C2orf76: variants seen among roughly 807,000 people sequenced by gnomAD.
The protein encoded by C2orf76 is chromosome 2 open reading frame 76, also known as UPF0538 protein C2orf76.
A neutral mutation model predicts 16.9 loss-of-function variants in C2orf76; 23 were observed. The observed-to-expected ratio is 1.36, with a 90% confidence interval of 0.98 to 1.93. The LOEUF (loss-of-function observed/expected upper bound fraction) is 1.93. C2orf76 is among the 30% of genes most tolerant of loss of function. The pLI is 0.00. For synonymous variants in C2orf76, 48 were observed against 52.3 expected (o/e 0.92, Z 0.35); for missense variants, 152 against 152.6 (o/e 1.00, Z 0.02).
the C2orf76 span, among the ~76,000 whole-genome samples, chr2:119,290,839 A>G: frequency 6.6e-6 from 1 of 152,234 alleles, no homozygotes; most frequent in South Asian, 2.1e-4. Context: ...CAAAAAAATA[A>G]TAAAAATAAA....
downstream of C2orf76, among the ~76,000 whole-genome samples, chr2:119,298,102 C>T (rs1678567156): frequency 6.6e-6 from 1 of 152,216 alleles, no homozygotes; most frequent in African/African-American, 2.4e-5. Context: ...CATCACCACA[C>T]CTGGCTTGCT....
intron 1 of C2orf76, 49 bp downstream of exon 1, chr2:119,366,741 G>A (rs1681021618): frequency 1.9e-6 from 1 of 525,676 alleles, no homozygotes; most frequent in East Asian, 3.4e-5. Flanking sequence ...CCCAACTCTC[G>A]ACCAACTCCC....
intron 3 of C2orf76, among the ~76,000 whole-genome samples, chr2:119,319,919 T>A (rs1679292612): frequency 6.6e-6 from 1 of 152,188 alleles, no homozygotes; most frequent in African/African-American, 2.4e-5. Context: ...AGCAGAAGAT[T>A]GTTAAACAGC....
At chr2:119,329,857 T>G (rs370000939) in intron 2 of C2orf76, among the ~76,000 whole-genome samples, 1 of 152,106 alleles carries the variant, frequency 6.6e-6, no homozygotes, top group Non-Finnish European at 1.5e-5. Flanking sequence ...TTTTTAATTA[T>G]TTTCAAAATA....
chr2:119,317,785 A>G (rs1679221385), intron 3 of C2orf76, among the ~76,000 whole-genome samples: 1 of 152,180 alleles, frequency 6.6e-6, no homozygotes, highest in Non-Finnish European at 1.5e-5. Flanking sequence ...TTAGAATGGA[A>G]GACAAGCAAA....
chr2:119,318,568 C>T (rs10199222), intron 3 of C2orf76, among the ~76,000 whole-genome samples: 6,614 of 147,470 alleles, frequency 0.045, 219 homozygotes, highest in East Asian at 0.13. Context: ...CTTGCTCTGT[C>T]GCCTTGGCTG....
intron 2 of C2orf76, among the ~76,000 whole-genome samples, chr2:119,338,486 T>C (rs980590935): frequency 6.6e-6 from 1 of 152,206 alleles, no homozygotes; most frequent in African/African-American, 2.4e-5. Flanking sequence ...TCTAAAATTT[T>C]ACTGTTCTTT....
intron 1 of C2orf76, among the ~76,000 whole-genome samples, chr2:119,350,565 T>C (rs1446698046): frequency 6.6e-6 from 1 of 152,220 alleles, no homozygotes; most frequent in Non-Finnish European, 1.5e-5. Context: ...CCCAGTTCGA[T>C]GGCCAGTAAC....
At chr2:119,292,843 T>C in the C2orf76 span, among the ~76,000 whole-genome samples, 1 of 152,126 alleles carries the variant, frequency 6.6e-6, no homozygotes, top group Admixed American at 6.6e-5. Context: ...GAGACCAGCC[T>C]GGCCAACATA....
chr2:119,366,555 C>T (rs1412612170), intron 1 of C2orf76: 2 of 465,834 alleles, frequency 4.3e-6, no homozygotes, highest in Non-Finnish European at 8.8e-6. Context: ...AAGGGAGGAG[C>T]GGGTCCCGCC....
intron 3 of C2orf76, among the ~76,000 whole-genome samples, chr2:119,320,789 C>G (rs1287269056): frequency 6.6e-6 from 1 of 152,162 alleles, no homozygotes; most frequent in African/African-American, 2.4e-5. Context: ...CCTTATTACT[C>G]CATTTTTAAA....
At chr2:119,334,093 C>A (rs1450462885) in intron 2 of C2orf76, among the ~76,000 whole-genome samples, 1 of 151,940 alleles carries the variant, frequency 6.6e-6, no homozygotes, top group Non-Finnish European at 1.5e-5. Context: ...GTGCCTGACC[C>A]CTTCAATGTA....
At chr2:119,292,057 G>C in the C2orf76 span, among the ~76,000 whole-genome samples, 12 of 152,184 alleles carry the variant, frequency 7.9e-5, no homozygotes, top group East Asian at 2.3e-3. Context: ...TCCCACTCAT[G>C]CTTGCCTAAA....
intron 1 of C2orf76, among the ~76,000 whole-genome samples, chr2:119,357,427 A>T (rs955320273): frequency 2.6e-5 from 4 of 152,176 alleles, no homozygotes; most frequent in Non-Finnish European, 5.9e-5. Flanking sequence ...AATGTAATCC[A>T]CCAAATTAAC....
intron 1 of C2orf76, among the ~76,000 whole-genome samples, chr2:119,341,942 A>C (rs1680044766): frequency 6.6e-6 from 1 of 152,224 alleles, no homozygotes; most frequent in Non-Finnish European, 1.5e-5. Flanking sequence ...GGAGACAATA[A>C]GGCGATCTTT....
chr2:119,310,717 T>G (rs978069434), intron 5 of C2orf76, among the ~76,000 whole-genome samples: 1 of 151,942 alleles, frequency 6.6e-6, no homozygotes, highest in African/African-American at 2.4e-5. Context: ...ACTAAAAAAA[T>G]ACAAAAATTA....
At chr2:119,288,833 A>G in the C2orf76 span, among the ~76,000 whole-genome samples, 1 of 151,982 alleles carries the variant, frequency 6.6e-6, no homozygotes, top group Admixed American at 6.6e-5. Flanking sequence ...CCTCCCCAGA[A>G]CAAGACACGT....
the C2orf76 span, among the ~76,000 whole-genome samples, chr2:119,286,942 T>C: frequency 0.36 from 55,054 of 151,844 alleles, 9,882 homozygotes; most frequent in Admixed American, 0.38. Flanking sequence ...GCTCCAGCTA[T>C]GGACTAGGAA....
chr2:119,297,706 C>T (rs1352516316), downstream of C2orf76, among the ~76,000 whole-genome samples: 1 of 152,152 alleles, frequency 6.6e-6, no homozygotes, highest in Non-Finnish European at 1.5e-5. Context: ...CCATGTTGCC[C>T]AGGCTGGACT....
Sources: allele counts gnomAD v4.1 joint callset (sites outside exome capture counted in the v4.1 genomes callset), GRCh38; gene constraint gnomAD v4.1.1; transcripts MANE v1.5; gene names NCBI Gene and HGNC (gene_info 2026-07-23, HGNC 2026-07-21).